Variants in RIC8B observed in about 807,000 individuals in gnomAD.
RIC8B encodes the protein RIC8 guanine nucleotide exchange factor B, also known as chaperone Ric-8B.
RIC8B carries 16 observed loss-of-function variants against 57.5 expected under a neutral mutation model. The ratio of observed to expected loss-of-function variants is 0.28; its 90% confidence interval spans 0.19 to 0.42. RIC8B has a LOEUF of 0.42. RIC8B is among the 10% of genes least tolerant of loss of function. The probability of loss-of-function intolerance (pLI) is 1.00; values close to 1 mark genes in which losing one functional copy is unlikely to be tolerated. For synonymous variants in RIC8B, 216 were observed against 250.8 expected, an observed-to-expected ratio of 0.86 and a Z score of 1.31; for missense variants, 481 against 677.0, an observed-to-expected ratio of 0.71 and a Z score of 3.21.
At chr12:106,852,712 C>G (rs1159390000) in intron 7 of RIC8B, among the ~76,000 whole-genome samples, 1 of 152,278 alleles carries the variant, frequency 6.6e-6, no homozygotes, top group East Asian at 1.9e-4. Flanking sequence ...AAATTTGGGT[C>G]CTGTCTTTTC....
intron 2 of RIC8B, among the ~76,000 whole-genome samples, chr12:106,786,396 A>C (rs922405530): frequency 2.0e-4 from 31 of 151,944 alleles, no homozygotes; most frequent in African/African-American, 7.3e-4. Context: ...TGATCTGCCC[A>C]TCTCGGCCTC....
intron 8 of RIC8B, among the ~76,000 whole-genome samples, chr12:106,863,593 A>G (rs1367915783): frequency 6.6e-6 from 1 of 152,066 alleles, no homozygotes; most frequent in Non-Finnish European, 1.5e-5. Flanking sequence ...TGACCCAGAA[A>G]CCAGGACATG....
chr12:106,837,505 G>T (rs1298153371), intron 4 of RIC8B, among the ~76,000 whole-genome samples: 2 of 152,236 alleles, frequency 1.3e-5, no homozygotes, highest in East Asian at 3.9e-4. Context: ...AATAAGTTCT[G>T]TGAGGACAGG....
At chr12:106,880,234 G>A (rs1349002004) in intron 9 of RIC8B, among the ~76,000 whole-genome samples, 1 of 152,062 alleles carries the variant, frequency 6.6e-6, no homozygotes, top group Non-Finnish European at 1.5e-5. Flanking sequence ...TGTGGTCTTG[G>A]TGTATGTCTG....
intron 2 of RIC8B, among the ~76,000 whole-genome samples, chr12:106,808,077 T>C (rs2045134341): frequency 1.5e-5 from 2 of 133,226 alleles, no homozygotes; most frequent in Non-Finnish European, 1.6e-5. Flanking sequence ...AGAGCGAGAC[T>C]CTGTCTCAAA....
rs562528229 is a variant in RIC8B, at chr12:106,789,077, C to T, written c.132+5033C>T. Among the ~76,000 whole-genome samples the T allele has an allele frequency of 1.9e-4, 29 of 152,298 alleles. No individual in the cohort carries two copies. The East Asian group carries it at 4.8e-3, about 25-fold the overall frequency. On this transcript the variant is annotated intron_variant, in intron 2 of 9. Coordinates refer to ENST00000392837, the MANE Select transcript of RIC8B (RefSeq NM_001330145.2). ...TTAGAAATTTCTCCTGCCAGATATC[C>T]TAAATCATCTCTCTCAAGTTCAAAG...
chr12:106,842,456 A>G (rs1224852443), intron 4 of RIC8B, 133 bp from the exon 5 acceptor site: 6 of 657,194 alleles, frequency 9.1e-6, no homozygotes, highest in South Asian at 2.0e-5. Flanking sequence ...TCAAGTGTCC[A>G]TAATGGCTCA....
chr12:106,786,529 T>C (rs2044035003), intron 2 of RIC8B, among the ~76,000 whole-genome samples: 1 of 152,224 alleles, frequency 6.6e-6, no homozygotes, highest in Non-Finnish European at 1.5e-5. Context: ...ACAATCCCTA[T>C]GGGGAAGAAA....
intron 8 of RIC8B, among the ~76,000 whole-genome samples, chr12:106,870,613 TA>T (rs35171089): frequency 2.0e-5 from 3 of 152,090 alleles, no homozygotes; most frequent in Non-Finnish European, 4.4e-5. Context: ...TTTCGTTTTT[TA>T]AAAAAAGTAT....
At position 106,872,592 on chromosome 12, in the gene RIC8B, TG is replaced by T. The variant is rs201939894; in HGVS notation, c.1571+1653del. ...CTGAGGCAGGAGAATCGCTTGAACC[TG>T]GGAGGCGGAGGTTGCGGTGAACCAA... On this transcript the variant is annotated intron_variant, in intron 9 of 9. Coordinates refer to ENST00000392837, the MANE Select transcript of RIC8B (RefSeq NM_001330145.2). Among the ~76,000 whole-genome samples, 1,250 of 144,060 alleles carry T rather than the reference TG, an allele frequency of 8.7e-3. 23 individuals carry two copies. The highest frequency in any genetic ancestry group is 0.031 in the African/African-American group (1,192 of 38,354). The allele number at this position is 144,060 out of a possible 152,430, so 94.5% of individuals were successfully genotyped here.
intron 2 of RIC8B, chr12:106,798,116 A>G (rs2044568495): frequency 4.3e-6 from 3 of 703,848 alleles, no homozygotes; most frequent in African/African-American, 3.5e-5. Flanking sequence ...GCTGTGTAGT[A>G]CTGGCCTTAT....
In RIC8B at chr12:106,879,372, T is replaced by A. The variant is rs1593406712; in HGVS notation, c.1572-6532T>A. On this transcript the variant is annotated intron_variant, in intron 9 of 9. Coordinates refer to ENST00000392837, the MANE Select transcript of RIC8B (RefSeq NM_001330145.2). This position sits in a 1 kb window ranked among gnomAD's most constrained non-coding sequence, Gnocchi z 4.9. ...GGGTATGTTAGTATCTGAACCCCAA[T>A]TTTGCACTGTCATTTTTGGGGGAAA... The A allele has an allele frequency of 1.0e-6, 1 of 985,134 alleles. No homozygotes were observed. Among genetic ancestry groups the A allele is most frequent in the Non-Finnish European group, 1.2e-6 (1 of 829,890 alleles). 61.0% of individuals were successfully genotyped at this position (985,134 alleles called of 1,614,324 possible).
intron 4 of RIC8B, among the ~76,000 whole-genome samples, chr12:106,828,155 A>G (rs1170122858): frequency 1.3e-5 from 2 of 152,240 alleles, no homozygotes; most frequent in African/African-American, 4.8e-5. Flanking sequence ...ACTGTAAATA[A>G]GGAGCATGCC....
chr12:106,876,104 T>A (rs962005428), intron 9 of RIC8B, among the ~76,000 whole-genome samples: 2 of 152,112 alleles, frequency 1.3e-5, no homozygotes, highest in Non-Finnish European at 2.9e-5. Context: ...ATTATAGATA[T>A]GAAAATATAA....
intron 2 of RIC8B, among the ~76,000 whole-genome samples, chr12:106,800,080 G>T (rs1403060987): frequency 6.6e-6 from 1 of 151,862 alleles, no homozygotes; most frequent in Non-Finnish European, 1.5e-5. Flanking sequence ...ACAAGCTCTT[G>T]GTGTCTCTTA....
chr12:106,870,963 T>C (rs1950376858), intron 9 of RIC8B, 21 bp downstream of exon 9: 3 of 1,541,248 alleles, frequency 1.9e-6, no homozygotes, highest in Non-Finnish European at 2.6e-6. Context: ...CCCATCCATT[T>C]TTTGCTTGGT....
In RIC8B at chr12:106,825,435, G is replaced by GA. The variant is rs1406009494; in HGVS notation, c.742-285dup. Among the ~76,000 whole-genome samples, 14 of 152,246 alleles carry GA rather than the reference G, an allele frequency of 9.2e-5. No individual in the cohort carries two copies. The East Asian group carries it at 2.1e-3, about 23-fold the overall frequency. On this transcript the variant is annotated intron_variant, in intron 3 of 9. Transcript: ENST00000392837. ...TAGTAAACTGCAACAGTGCACCATAGAAAAAACGAATTTAGGCTTTTTGGA... is the reference window on the plus strand; with the variant it reads ...TAGTAAACTGCAACAGTGCACCATAGAAAAAAACGAATTTAGGCTTTTTGGA...
At position 106,814,896 on chromosome 12, in the gene RIC8B, C is replaced by G. The variant is rs1468379692; in HGVS notation, c.333C>G (p.Phe111Leu). ...LDDSLEKVSE[F>L]PVIVESLKCL... ...ATTCTTTGGAGAAAGTATCAGAGTT[C>G]CCAGTTATTGTGGAGTCATTAAAAT... is the stretch of plus-strand genomic sequence containing the variant. The change falls in exon 3 of 10, where the codon TTC becomes TTG. Residue 111 changes from phenylalanine (F) to leucine (L), a missense_variant. Physicochemically the swap from Phe to Leu is conservative, Grantham distance 22 (BLOSUM62 0). This residue lies in a region of RIC8B where 421 missense variants were observed against 560.9 expected (regional missense o/e 0.75). Transcript: ENST00000392837. 6.2e-6 allele frequency: 10 copies of G among 1,613,954 alleles called. No individual in the cohort carries two copies. The highest frequency in any genetic ancestry group is 5.5e-5 in the South Asian group (5 of 91,074).
In RIC8B at chr12:106,778,281, T is replaced by A. The variant is rs1216502377; in HGVS notation, c.84+3452T>A. 2.6e-5 allele frequency among the ~76,000 whole-genome samples: 4 copies of A among 152,200 alleles called. No homozygotes were observed. The East Asian group carries it at 7.7e-4, about 29-fold the overall frequency. On this transcript the variant is annotated intron_variant, in intron 1 of 9. Coordinates refer to ENST00000392837, the MANE Select transcript of RIC8B (RefSeq NM_001330145.2). ...CGGGAAACATCTAATTTCTACTGTG[T>A]TATATAGATTCTCATTTCCAAGCCT...
Sources: gnomAD v4.1 joint callset for allele counts (sites outside exome capture counted in the v4.1 genomes callset) on GRCh38, gnomAD v4.1.1 for gene constraint, gnomAD v4.1.1 regional missense constraint, Gnocchi (gnomAD v3.1) non-coding constraint, MANE v1.5 for transcripts, NCBI Gene and HGNC (gene_info 2026-07-23, HGNC 2026-07-21) for gene names.